Variants in STK17A observed in about 807,000 individuals in gnomAD.
STK17A encodes serine/threonine-protein kinase 17A.
Under a neutral mutation model 43.7 loss-of-function variants are expected in STK17A, and 26 were observed. The ratio of observed to expected loss-of-function variants is 0.60; its 90% CI spans 0.44 to 0.83. STK17A has a LOEUF of 0.83. STK17A is among the 40% of genes least tolerant of loss of function. The probability of loss-of-function intolerance (pLI) is 0.00; values close to 1 mark genes in which losing one functional copy is unlikely to be tolerated. For missense variants in STK17A, 476 were observed against 511.6 expected, an observed-to-expected ratio of 0.93 and a Z score of 0.67; for synonymous variants, 191 against 182.5, an observed-to-expected ratio of 1.05 and a Z score of -0.38.
intron 1 of STK17A, among the ~76,000 whole-genome samples, chr7:43,595,267 C>CT (rs57811536): frequency 0.23 from 20,442 of 88,796 alleles, 2,277 homozygotes; most frequent in Non-Finnish European, 0.32. Context: ...AATCAAATGG[C>CT]TTTTTTTTTT....
At position 43,583,252 on chromosome 7, in the gene STK17A, T is replaced by G. The variant is rs1218682933; in HGVS notation, c.9T>G (p.Pro3=). 6.5e-7 allele frequency: 1 copy of G among 1,548,596 alleles called. No homozygotes were observed. Among genetic ancestry groups the G allele is most frequent in the African/African-American group, 1.4e-5 (1 of 69,856 alleles). The change falls in exon 1 of 7, where the codon CCT becomes CCG. Residue 3 remains proline (P), a synonymous_variant. Transcript: ENST00000319357. MI[P]LEKPGSGGSS... The stretch of plus-strand genomic sequence containing the variant: ...AAGCGGGCCTGAACACCATGATCCC[T>G]TTGGAGAAGCCAGGCAGCGGCGGCT...
intron 3 of STK17A, among the ~76,000 whole-genome samples, chr7:43,615,567 GT>G (rs1010762745): frequency 6.6e-6 from 1 of 152,058 alleles, no homozygotes; most frequent in Non-Finnish European, 1.5e-5. Flanking sequence ...GTACATAGGT[GT>G]TTTTTTCGTG....
chr7:43,614,665 A>AATAGCTCTGATTTTATGAG (rs2083184630), intron 3 of STK17A, among the ~76,000 whole-genome samples: 1 of 152,176 alleles, frequency 6.6e-6, no homozygotes, highest in South Asian at 2.1e-4. Context: ...AATCCCATGA[A>AATAGCTCTGATTTTATGAG]ATAGCTCTGA....
At chr7:43,601,601 T>C (rs2082555534) in intron 2 of STK17A, among the ~76,000 whole-genome samples, 1 of 151,758 alleles carries the variant, frequency 6.6e-6, no homozygotes. Context: ...TCTTCCAGTC[T>C]TCACCCGGCT....
intron 1 of STK17A, among the ~76,000 whole-genome samples, chr7:43,585,197 C>CA (rs539230020): frequency 1.6e-3 from 224 of 141,002 alleles, no homozygotes; most frequent in South Asian, 0.014. Flanking sequence ...ACTCCATCTC[C>CA]AAAAAAAAAA....
intron 3 of STK17A, among the ~76,000 whole-genome samples, chr7:43,612,904 A>T (rs189399543): frequency 2.0e-5 from 3 of 152,326 alleles, no homozygotes; most frequent in African/African-American, 4.8e-5. Flanking sequence ...CATGATTAAG[A>T]GAAAACCCAT....
chr7:43,598,787 G>T (rs1262089116), intron 2 of STK17A, among the ~76,000 whole-genome samples: 4 of 150,574 alleles, frequency 2.7e-5, no homozygotes, highest in Non-Finnish European at 5.9e-5. Flanking sequence ...TTTTTGAGAC[G>T]GAGTCTTCCT....
At chr7:43,618,661 T>G (rs1473234907) in intron 3 of STK17A, among the ~76,000 whole-genome samples, 3 of 152,366 alleles carry the variant, frequency 2.0e-5, no homozygotes, top group Admixed American at 6.5e-5. Flanking sequence ...TTTTACATTC[T>G]AGTCCATAAT....
In STK17A at chr7:43,618,141, GAAAC is replaced by G. The variant is rs995608083; in HGVS notation, c.565-1450_565-1447del. On this transcript the variant is annotated intron_variant, in intron 3 of 6. Coordinates refer to ENST00000319357, the MANE Select transcript of STK17A (RefSeq NM_004760.3). ...CTAGAGGACCAATGTGATGGAGACA[GAAAC>G]AAACAGCTAACAGAACAATAGAGTA... 2.6e-5 allele frequency among the ~76,000 whole-genome samples: 4 copies of G among 152,190 alleles called. No homozygotes were observed. The East Asian group carries it at 7.7e-4, about 29-fold the overall frequency.
At chr7:43,591,960 AGGTGT>A (rs2152970722) in intron 1 of STK17A, among the ~76,000 whole-genome samples, 1 of 151,678 alleles carries the variant, frequency 6.6e-6, no homozygotes, top group African/African-American at 2.4e-5. Context: ...TTTGAATGTC[AGGTGT>A]GGCAACAGTA....
intron 2 of STK17A, among the ~76,000 whole-genome samples, chr7:43,603,753 G>T (rs543456613): frequency 6.6e-6 from 1 of 152,208 alleles, no homozygotes; most frequent in African/African-American, 2.4e-5. Context: ...GTGATTCCAC[G>T]TGGTGGCGGA....
intron 1 of STK17A, among the ~76,000 whole-genome samples, chr7:43,586,055 G>A (rs896385019): frequency 4.0e-5 from 6 of 151,612 alleles, no homozygotes; most frequent in Non-Finnish European, 8.9e-5. Context: ...TGATAAGATA[G>A]AAAACCTATT....
At chr7:43,616,443 G>A (rs1279284770) in intron 3 of STK17A, among the ~76,000 whole-genome samples, 1 of 152,152 alleles carries the variant, frequency 6.6e-6, no homozygotes, top group Admixed American at 6.5e-5. Flanking sequence ...GGTAGGCACT[G>A]ATCACAGTGA....
intron 3 of STK17A, among the ~76,000 whole-genome samples, chr7:43,612,214 G>T (rs371721593): frequency 6.6e-6 from 1 of 152,182 alleles, no homozygotes; most frequent in Non-Finnish European, 1.5e-5. Context: ...AAGACAAAGT[G>T]GTCCAAAGGG....
intron 3 of STK17A, among the ~76,000 whole-genome samples, chr7:43,615,611 A>G (rs944826888): frequency 1.6e-4 from 25 of 152,136 alleles, no homozygotes; most frequent in African/African-American, 5.8e-4. Flanking sequence ...AACAAAGAAA[A>G]CGTGGCCTGC....
chr7:43,612,337 G>A (rs1038362829), intron 3 of STK17A, among the ~76,000 whole-genome samples: 5 of 152,170 alleles, frequency 3.3e-5, no homozygotes, highest in Non-Finnish European at 5.9e-5. Flanking sequence ...CCATGCATGC[G>A]GGAGTGATTT....
Position 43,627,254 on chromosome 7 carries a change from G to C in STK17A, c.*2412G>C, listed in dbSNP as rs115172462. ...TTTGTTGTTTTCAAATGAAAACTAGGAGGTAATTAATACCTTTCTCTAGTA... is the reference window on the plus strand; with the variant it reads ...TTTGTTGTTTTCAAATGAAAACTAGCAGGTAATTAATACCTTTCTCTAGTA... On this transcript the variant is annotated 3_prime_UTR_variant, in exon 7 of 7. Transcript: ENST00000319357. Among the ~76,000 whole-genome samples the C allele has an allele frequency of 0.014, 2,108 of 152,254 alleles. 38 individuals carry two copies. Among genetic ancestry groups the C allele is most frequent in the African/African-American group, 0.048 (2,011 of 41,542 alleles).
chr7:43,624,331 A>G (rs563349271), intron 6 of STK17A, among the ~76,000 whole-genome samples, 187 bp from the exon 7 acceptor site: 68 of 152,342 alleles, frequency 4.5e-4, no homozygotes, highest in African/African-American at 1.5e-3. Flanking sequence ...ACATTTTCAC[A>G]AAATTTTCAG....
At chr7:43,607,510 G>A (rs188666214) in intron 2 of STK17A, among the ~76,000 whole-genome samples, 20 of 151,878 alleles carry the variant, frequency 1.3e-4, no homozygotes, top group Non-Finnish European at 1.8e-4. Flanking sequence ...TTAGCCGGGC[G>A]TGGTGGCCCA....
Sources: gnomAD v4.1 joint callset for allele counts (sites outside exome capture counted in the v4.1 genomes callset) on GRCh38, gnomAD v4.1.1 for gene constraint, MANE v1.5 for transcripts, NCBI Gene and HGNC (gene_info 2026-07-23, HGNC 2026-07-21) for gene names.